Variants in CASP14 observed in about 807,000 individuals in gnomAD.
CASP14 encodes the protein caspase 14.
CASP14 carries 27 observed loss-of-function variants against 28.4 expected under a neutral mutation model. That is an observed-to-expected ratio of 0.95 (90% CI 0.70 to 1.31). The LOEUF is 1.31. CASP14 is among the 50% of genes most tolerant of loss of function. The pLI, the probability that CASP14 is intolerant of heterozygous loss-of-function variation, is 0.00. For synonymous variants in CASP14, 115 were observed against 118.6 expected, an observed-to-expected ratio of 0.97 and a Z score of 0.20; for missense variants, 323 against 312.8, an observed-to-expected ratio of 1.03 and a Z score of -0.25.
Position 15,053,817 on chromosome 19 carries a change from G to A in CASP14, c.262G>A (p.Ala88Thr). The A allele has an allele frequency of 1.2e-6, 2 of 1,614,126 alleles. No homozygotes were observed. Among genetic ancestry groups the A allele is most frequent in the Admixed American group, 1.7e-5 (1 of 60,026 alleles). Residue 88 changes from alanine (A) to threonine (T), a missense_variant, in exon 4 of 7, where the codon GCT becomes ACT. Transcript: ENST00000427043. ...PVSCAFVVLMAHGREGFLKGE... is the reference protein window; with the variant it reads ...PVSCAFVVLMTHGREGFLKGE... ...CAGTTGTGCCTTCGTGGTACTCATG[G>A]CTCACGGGAGGGAAGGCTTCCTCAA...
chr19:15,055,076 A>C (rs1600069336), intron 4 of CASP14, 82 bp from the exon 5 acceptor site: 4 of 1,028,094 alleles, frequency 3.9e-6, no homozygotes, highest in Non-Finnish European at 4.6e-6. Context: ...AAACACTGGG[A>C]ATACAGGTGT....
intron 4 of CASP14, among the ~76,000 whole-genome samples, chr19:15,054,690 G>A (rs957376217): frequency 6.6e-6 from 1 of 150,794 alleles, no homozygotes; most frequent in African/African-American, 2.4e-5. Flanking sequence ...ACCCAGGCTG[G>A]AGTGCGATGG....
rs3040744 is a variant in CASP14 at position 15,051,502 on chromosome 19, C to CAAAAAA, written c.-46-690_-46-685dup. Reference sequence around the variant, plus strand: ...TGGGTGACAGAGTGAGATTCTGTCTCAAAAAAAAAAAAAAAAAAAGCAAAA... The same window carrying CAAAAAA: ...TGGGTGACAGAGTGAGATTCTGTCTCAAAAAAAAAAAAAAAAAAAAAAAAAGCAAAA... On this transcript the variant is annotated intron_variant, in intron 1 of 6. Transcript: ENST00000427043. Among the ~76,000 whole-genome samples the CAAAAAA allele has an allele frequency of 1.7e-3, 140 of 84,212 alleles. 1 individual carries two copies. The highest frequency in any genetic ancestry group is 2.3e-3 in the Non-Finnish European group (107 of 45,562). The allele number at this position is 84,212 out of a possible 152,430, so 55.2% of individuals were successfully genotyped here.
At chr19:15,055,400 C>T in intron 5 of CASP14, 30 bp from the exon 6 acceptor site, 1 of 1,604,218 alleles carries the variant, frequency 6.2e-7, no homozygotes, top group South Asian at 1.1e-5. Flanking sequence ...CTCTGAAGCT[C>T]CCCCGAACCC....
rs550959298 is a variant in CASP14, at chr19:15,056,348, G to A, written c.*259G>A. The A allele has an allele frequency of 4.1e-5, 14 of 342,902 alleles. No individual in the cohort carries two copies. The highest frequency in any genetic ancestry group is 7.9e-5 in the Non-Finnish European group (14 of 176,936). 21.2% of individuals were successfully genotyped at this position (342,902 alleles called of 1,614,324 possible). On this transcript the variant is annotated 3_prime_UTR_variant, in exon 7 of 7. Transcript: ENST00000427043. ...CTATCTTTATTAATGCAACCGAAGA[G>A]ACCTAAGAGTGCATTCACTTATCCC... is the stretch of plus-strand genomic sequence containing the variant.
intron 6 of CASP14, 106 bp from the exon 7 acceptor site, chr19:15,055,879 G>C: frequency 2.5e-6 from 2 of 792,324 alleles, no homozygotes; most frequent in Non-Finnish European, 4.2e-6. Flanking sequence ...AGGCCACAAC[G>C]GTCTCTCATC....
intron 6 of CASP14, 31 bp from the exon 7 acceptor site, chr19:15,055,954 T>C: frequency 6.4e-7 from 1 of 1,558,458 alleles, no homozygotes; most frequent in African/African-American, 1.4e-5. Flanking sequence ...TGACACTGAC[T>C]CCTCCAAGCT....
intron 4 of CASP14, among the ~76,000 whole-genome samples, chr19:15,054,640 CTTTTT>C (rs796422997): frequency 2.5e-5 from 3 of 122,112 alleles, no homozygotes; most frequent in African/African-American, 8.5e-5. Context: ...CAAAAGCATC[CTTTTT>C]TTTTTTTTTT....
chr19:15,057,111 T>A lies in CASP14; in HGVS notation c.*1022T>A, dbSNP rs2046121174. ...ACCACCAGCCAAGGTTACCTCCAGGTAACCTTGCAGCACCAGGCTGGAAGT... is the reference window on the plus strand; with the variant it reads ...ACCACCAGCCAAGGTTACCTCCAGGAAACCTTGCAGCACCAGGCTGGAAGT... On this transcript the variant is annotated 3_prime_UTR_variant, in exon 7 of 7. Transcript: ENST00000427043. 6.6e-6 allele frequency: 1 copy of A among 152,126 alleles called. No homozygotes were observed. Among genetic ancestry groups the A allele is most frequent in the African/African-American group, 2.4e-5 (1 of 41,416 alleles). 9.4% of individuals were successfully genotyped at this position (152,126 alleles called of 1,614,324 possible).
chr19:15,052,339 T>C lies in CASP14; in HGVS notation c.27+61T>C. The stretch of plus-strand genomic sequence containing the variant: ...CTGGGGAGAAGGAAGGTGAGGATTT[T>C]AATGTTTTGGAAAGAGTGGAGGGAC... On this transcript the variant is annotated intron_variant, in intron 2 of 6. Transcript: ENST00000427043. 2.0e-6 allele frequency: 3 copies of C among 1,475,744 alleles called. No individual in the cohort carries two copies. In the South Asian group the frequency reaches 4.0e-5, roughly 20 times the overall value. 91.4% of individuals were successfully genotyped at this position (1,475,744 alleles called of 1,614,324 possible). A position where few individuals can be genotyped will look rare whatever the true frequency, so the allele number is the denominator to read the frequency against.
intron 1 of CASP14, among the ~76,000 whole-genome samples, chr19:15,051,487 A>G (rs1474117473): frequency 1.6e-5 from 2 of 125,244 alleles, no homozygotes; most frequent in East Asian, 2.4e-4. Flanking sequence ...TGGGTGACAG[A>G]GTGAGATTCT....
chr19:15,055,401 C>T, intron 5 of CASP14, 29 bp from the exon 6 acceptor site: 7 of 1,606,576 alleles, frequency 4.4e-6, no homozygotes, highest in Non-Finnish European at 6.0e-6. Flanking sequence ...TCTGAAGCTC[C>T]CCCGAACCCA....
intron 2 of CASP14, among the ~76,000 whole-genome samples, chr19:15,052,537 G>A (rs2046095763): frequency 6.6e-6 from 1 of 152,172 alleles, no homozygotes; most frequent in African/African-American, 2.4e-5. Flanking sequence ...GTTCTGAGAA[G>A]TCCTGCAATA....
At position 15,056,001 on chromosome 19, in the gene CASP14, C is replaced by T. The variant is rs376759468; in HGVS notation, c.641C>T (p.Ala214Val). 1.1e-5 allele frequency: 17 copies of T among 1,607,354 alleles called. No homozygotes were observed. The highest frequency in any genetic ancestry group is 1.4e-5 in the Non-Finnish European group (17 of 1,176,836). Residue 214 changes from alanine (A) to valine (V), a missense_variant, in exon 7 of 7, where the codon GCA becomes GTA. Physicochemically the swap from Ala to Val is moderately conservative, Grantham distance 64. Coordinates refer to ENST00000427043, the MANE Select transcript of CASP14 (RefSeq NM_012114.3). The stretch of plus-strand genomic sequence containing the variant: ...TTGCTGCAGGTGACCCGGCGGATGG[C>T]AGAAGCAGAGCTGGTTCAAGAAGGA... ...ELLTEVTRRM[A>V]EAELVQEGKA...
intron 1 of CASP14, among the ~76,000 whole-genome samples, 161 bp downstream of exon 1, chr19:15,049,806 T>G (rs1488101040): frequency 6.6e-6 from 1 of 151,234 alleles, no homozygotes; most frequent in Non-Finnish European, 1.5e-5. Flanking sequence ...TGGAAGAAAT[T>G]TCCATCCATC....
intron 4 of CASP14, 183 bp from the exon 5 acceptor site, chr19:15,054,975 T>C: frequency 1.7e-6 from 1 of 582,154 alleles, no homozygotes; most frequent in Non-Finnish European, 3.1e-6. Context: ...CATCTCGCTC[T>C]GTCTCCCAGG....
At chr19:15,052,514 C>G (rs2046095713) in intron 2 of CASP14, among the ~76,000 whole-genome samples, 1 of 152,162 alleles carries the variant, frequency 6.6e-6, no homozygotes. Context: ...AAGTTCTTCT[C>G]AACACATTAA....
At chr19:15,051,523 C>CAAAAAAAA (rs2046090972) in intron 1 of CASP14, among the ~76,000 whole-genome samples, 5 of 85,432 alleles carry the variant, frequency 5.9e-5, no homozygotes, top group Admixed American at 2.2e-4. Context: ...AAAAAAAAAG[C>CAAAAAAAA]AAAAAGCATT....
chr19:15,056,822 T>C lies in CASP14; in HGVS notation c.*733T>C, dbSNP rs1034616681. ...TCTAAATGAGAGCGTGTTGGAGCTA[T>C]GGCAAATTCCCTGTTGTCACCTTGC... On this transcript the variant is annotated 3_prime_UTR_variant, in exon 7 of 7. Coordinates refer to ENST00000427043, the MANE Select transcript of CASP14 (RefSeq NM_012114.3). The C allele has an allele frequency of 6.6e-6, 1 of 152,208 alleles. No individual in the cohort carries two copies. The highest frequency in any genetic ancestry group is 2.4e-5 in the African/African-American group (1 of 41,448). The allele number at this position is 152,208 out of a possible 1,614,324, so 9.4% of individuals were successfully genotyped here.
Sources: allele counts gnomAD v4.1 joint callset (sites outside exome capture counted in the v4.1 genomes callset), GRCh38; gene constraint gnomAD v4.1.1; transcripts MANE v1.5; gene names NCBI Gene and HGNC (gene_info 2026-07-23, HGNC 2026-07-21).